Variants in SETBP1 observed in about 807,000 individuals in gnomAD.
The protein encoded by SETBP1 is SET binding protein 1, also known as SET-binding protein.
In SETBP1, 9 loss-of-function variants were observed where a neutral mutation model predicts 101.0. The observed-to-expected ratio is 0.09, with a 90% CI of 0.05 to 0.16. The LOEUF (loss-of-function observed/expected upper bound fraction) is 0.16. Ranked by LOEUF, SETBP1 falls within the 10% of genes least tolerant of loss-of-function variation. The pLI is 1.00. For synonymous variants in SETBP1, 818 were observed against 788.5 expected (o/e 1.04, Z -0.63); for missense variants, 1,858 against 2,033.8 (o/e 0.91, Z 1.66).
intron 2 of SETBP1, among the ~76,000 whole-genome samples, chr18:44,710,988 A>T (rs1359593483): frequency 1.3e-5 from 2 of 152,068 alleles, no homozygotes; most frequent in African/African-American, 4.8e-5. Flanking sequence ...AGACAGACAC[A>T]ACATGCAAAC....
chr18:44,979,360 C>T (rs2072061092), intron 4 of SETBP1, among the ~76,000 whole-genome samples: 1 of 152,212 alleles, frequency 6.6e-6, no homozygotes, highest in Non-Finnish European at 1.5e-5. Flanking sequence ...TTCAAAGGAG[C>T]TGCCTTACTG....
At chr18:44,859,366 A>G (rs1022906730) in intron 2 of SETBP1, among the ~76,000 whole-genome samples, 1 of 152,132 alleles carries the variant, frequency 6.6e-6, no homozygotes, top group Non-Finnish European at 1.5e-5. Context: ...CAGTGGTACC[A>G]ATGTCCCTGG....
intron 5 of SETBP1, among the ~76,000 whole-genome samples, chr18:45,048,049 A>G (rs2073647050): frequency 6.6e-6 from 1 of 152,196 alleles, no homozygotes; most frequent in African/African-American, 2.4e-5. Flanking sequence ...GAAAATTGAG[A>G]CCAGAAGGGT....
At chr18:45,057,143 G>A (rs1385215351) in intron 5 of SETBP1, among the ~76,000 whole-genome samples, 2 of 152,012 alleles carry the variant, frequency 1.3e-5, no homozygotes, top group East Asian at 1.9e-4. Flanking sequence ...TTGATAACAA[G>A]CAGCAACTCA....
intron 2 of SETBP1, among the ~76,000 whole-genome samples, chr18:44,856,560 T>C (rs1742394369): frequency 1.3e-5 from 2 of 152,228 alleles, no homozygotes; most frequent in Non-Finnish European, 2.9e-5. Flanking sequence ...CTACTTTTGT[T>C]ATATTAAAAA....
At chr18:44,941,834 T>C (rs1011863017) in intron 3 of SETBP1, among the ~76,000 whole-genome samples, 7 of 152,116 alleles carry the variant, frequency 4.6e-5, no homozygotes, top group Admixed American at 2.0e-4. Context: ...GTGTAGTCGT[T>C]GCGATCCTGA....
intron 3 of SETBP1, among the ~76,000 whole-genome samples, chr18:44,883,308 G>A (rs2069572300): frequency 6.6e-6 from 1 of 152,124 alleles, no homozygotes. Flanking sequence ...TTGAGTCTAG[G>A]CCAGTTTTAG....
At chr18:44,767,907 A>C (rs575321361) in intron 2 of SETBP1, among the ~76,000 whole-genome samples, 8 of 152,252 alleles carry the variant, frequency 5.3e-5, no homozygotes, top group Non-Finnish European at 1.5e-5. Context: ...AGGATAGTCC[A>C]TTTTGAAACA....
intron 2 of SETBP1, among the ~76,000 whole-genome samples, chr18:44,866,044 C>T (rs1184338487): frequency 6.6e-6 from 1 of 152,222 alleles, no homozygotes; most frequent in East Asian, 1.9e-4. Context: ...TAACATTTTA[C>T]TGTTTCAACC....
intron 2 of SETBP1, among the ~76,000 whole-genome samples, chr18:44,807,601 C>T (rs2071775631): frequency 6.6e-6 from 1 of 152,214 alleles, no homozygotes; most frequent in South Asian, 2.1e-4. Flanking sequence ...GGCCAGTCAA[C>T]ATCTTACCAA....
At chr18:44,957,043 G>A (rs572720141) in intron 4 of SETBP1, among the ~76,000 whole-genome samples, 20 of 152,208 alleles carry the variant, frequency 1.3e-4, no homozygotes, top group Admixed American at 1.2e-3. Flanking sequence ...GCTTGCCTGG[G>A]ACCAGAAAAT....
rs1555700996 is a variant in SETBP1, at chr18:44,925,007, G to GTTTTGT, written c.541-24870_541-24869insGTTTTT. The stretch of plus-strand genomic sequence containing the variant: ...CTTTTTCCTTCTTGATCCTGTGTGA[G>GTTTTGT]TTTTTTTTTTTTTTTTTTTTTTTTT... On this transcript the variant is annotated intron_variant, in intron 3 of 5. Transcript: ENST00000649279. Among the ~76,000 whole-genome samples, 3 of 45,970 alleles carry GTTTTGT rather than the reference G, an allele frequency of 6.5e-5. 1 individual carries two copies. The highest frequency in any genetic ancestry group is 2.7e-4 in the African/African-American group (3 of 11,122). The allele number at this position is 45,970 out of a possible 152,430, so 30.2% of individuals were successfully genotyped here.
At chr18:44,824,853 C>T (rs1303772614) in intron 2 of SETBP1, among the ~76,000 whole-genome samples, 2 of 152,128 alleles carry the variant, frequency 1.3e-5, no homozygotes, top group Admixed American at 6.5e-5. Flanking sequence ...AGTGGGTCAT[C>T]GTAGCAAGTA....
Position 44,701,294 on chromosome 18 carries a change from T to G in SETBP1, c.-53T>G, listed in dbSNP as rs1248452278. 4.8e-6 allele frequency: 7 copies of G among 1,451,836 alleles called. No individual in the cohort carries two copies. In the African/African-American group the frequency reaches 8.6e-5, roughly 18 times the overall value. 89.9% of individuals were successfully genotyped at this position (1,451,836 alleles called of 1,614,324 possible). On this transcript the variant is annotated 5_prime_UTR_variant, in exon 2 of 6. Transcript: ENST00000649279. ...TGTCCTCTTTTCTCACCTTTCCCTT[T>G]TCCCTTTTCCCCTTCCCCCTCCTGA...
intron 4 of SETBP1, among the ~76,000 whole-genome samples, chr18:44,976,073 TACACACACACACACACACACAC>T (rs57458132): frequency 9.1e-5 from 13 of 143,580 alleles, no homozygotes; most frequent in Admixed American, 2.8e-4. Flanking sequence ...TGGGGAGGGA[TACACACACACACACACACACAC>T]ACACACACAC....
At chr18:44,688,178 G>A (rs2068867949) in intron 1 of SETBP1, among the ~76,000 whole-genome samples, 1 of 152,180 alleles carries the variant, frequency 6.6e-6, no homozygotes, top group Admixed American at 6.5e-5. Context: ...GGATGAAAAA[G>A]GAGCATGCAA....
At chr18:44,719,921 G>T (rs1005347620) in intron 2 of SETBP1, among the ~76,000 whole-genome samples, 2 of 152,184 alleles carry the variant, frequency 1.3e-5, no homozygotes, top group African/African-American at 4.8e-5. Context: ...AGATCTGGAT[G>T]GGAGGACAAA....
chr18:45,037,832 A>G (rs2073428307), intron 4 of SETBP1, among the ~76,000 whole-genome samples: 2 of 152,054 alleles, frequency 1.3e-5, no homozygotes, highest in East Asian at 1.9e-4. Context: ...ACTAATCCCC[A>G]CAGTTCATCT....
At chr18:44,809,636 A>T (rs2071817103) in intron 2 of SETBP1, among the ~76,000 whole-genome samples, 1 of 152,142 alleles carries the variant, frequency 6.6e-6, no homozygotes, top group Non-Finnish European at 1.5e-5. Flanking sequence ...CTCAGTACAG[A>T]TGATGTTGTT....
Sources: allele counts gnomAD v4.1 joint callset (sites outside exome capture counted in the v4.1 genomes callset), GRCh38; gene constraint gnomAD v4.1.1; transcripts MANE v1.5; gene names NCBI Gene and HGNC (gene_info 2026-07-23, HGNC 2026-07-21).